The following RCAN1 variants were observed in gnomAD, a reference collection of about 807,000 sequenced individuals.
The protein encoded by RCAN1 is regulator of calcineurin 1.
RCAN1 carries 11 observed loss-of-function variants against 22.9 expected under a neutral mutation model. The ratio of observed to expected loss-of-function variants is 0.48; its 90% CI spans 0.30 to 0.79. The LOEUF (loss-of-function observed/expected upper bound fraction) is 0.79. Ranked by LOEUF, RCAN1 falls within the 30% of genes least tolerant of loss-of-function variation. The pLI, the probability that RCAN1 is intolerant of heterozygous loss-of-function variation, is 0.06. For missense variants in RCAN1, 291 were observed against 337.8 expected, an observed-to-expected ratio of 0.86 and a Z score of 1.09; for synonymous variants, 136 against 142.3, an observed-to-expected ratio of 0.96 and a Z score of 0.32.
chr21:34,565,574 T>G (rs1456440116), intron 1 of RCAN1, among the ~76,000 whole-genome samples: 1 of 152,250 alleles, frequency 6.6e-6, no homozygotes, highest in Non-Finnish European at 1.5e-5. Context: ...AGGAAGATGC[T>G]TCTTTAATAA....
At chr21:34,521,118 A>G in intron 3 of RCAN1, 1 of 1,265,058 alleles carries the variant, frequency 7.9e-7, no homozygotes, top group African/African-American at 1.5e-5. Flanking sequence ...CATTTCTTAA[A>G]GGGGGCATCG....
chr21:34,516,754 C>T lies in RCAN1; in HGVS notation c.*1330G>A, dbSNP rs1984070149. ...CCATCTTCCAAATTTCCAAAGCATG[C>T]ATTGTTACTTGGCATTAAGTATTTC... On this transcript the variant is annotated 3_prime_UTR_variant, in exon 4 of 4. Transcript: ENST00000313806. The T allele has an allele frequency of 6.6e-6, 1 of 152,278 alleles. No individual in the cohort carries two copies. Among genetic ancestry groups the T allele is most frequent in the Admixed American group, 6.5e-5 (1 of 15,292 alleles). 9.4% of individuals were successfully genotyped at this position (152,278 alleles called of 1,614,324 possible). A position where few individuals can be genotyped will look rare whatever the true frequency, so the allele number is the denominator to read the frequency against.
At chr21:34,578,181 A>C (rs1987477439) in intron 1 of RCAN1, among the ~76,000 whole-genome samples, 1 of 152,164 alleles carries the variant, frequency 6.6e-6, no homozygotes, top group African/African-American at 2.4e-5. Context: ...GGAATGTAAG[A>C]TCTTATATTC....
intron 1 of RCAN1, among the ~76,000 whole-genome samples, chr21:34,581,023 A>G (rs1987588042): frequency 6.6e-6 from 1 of 152,174 alleles, no homozygotes; most frequent in Non-Finnish European, 1.5e-5. Context: ...CACTAGGAGA[A>G]CCACCCAGAA....
intron 1 of RCAN1, among the ~76,000 whole-genome samples, chr21:34,601,817 CA>C (rs202036960): frequency 0.072 from 5,991 of 83,230 alleles, 146 homozygotes; most frequent in East Asian, 0.28. Flanking sequence ...GACTCTGTCT[CA>C]AAAAAAAAAA....
chr21:34,526,942 C>T, intron 1 of RCAN1: 1 of 1,395,972 alleles, frequency 7.2e-7, no homozygotes, highest in African/African-American at 1.5e-5. Flanking sequence ...TGAGTCAAGT[C>T]CTGCATGCTT....
intron 1 of RCAN1, among the ~76,000 whole-genome samples, chr21:34,538,164 C>T (rs1448277806): frequency 2.0e-5 from 3 of 152,140 alleles, no homozygotes; most frequent in Non-Finnish European, 1.5e-5. Flanking sequence ...GAATGGCATT[C>T]GAAGACACAG....
At chr21:34,521,262 G>A in intron 3 of RCAN1, 1 of 1,438,664 alleles carries the variant, frequency 7.0e-7, no homozygotes, top group Non-Finnish European at 9.1e-7. Flanking sequence ...GGGGGGTGGA[G>A]GGGCGTGATG....
chr21:34,600,332 C>T (rs1468119662), intron 1 of RCAN1, among the ~76,000 whole-genome samples: 1 of 152,214 alleles, frequency 6.6e-6, no homozygotes, highest in Admixed American at 6.5e-5. Context: ...ATTTTGCTCT[C>T]TTAAGGTAAG....
At chr21:34,588,687 A>G (rs1046259768) in intron 1 of RCAN1, among the ~76,000 whole-genome samples, 1 of 152,360 alleles carries the variant, frequency 6.6e-6, no homozygotes, top group East Asian at 1.9e-4. Context: ...CTGTGTATGT[A>G]TCTAAAAGAA....
chr21:34,559,069 C>T (rs8130623), intron 1 of RCAN1, among the ~76,000 whole-genome samples: 36,784 of 152,112 alleles, frequency 0.24, 5,186 homozygotes, highest in African/African-American at 0.39. Flanking sequence ...TAACAAAATA[C>T]AAATTGCTGT....
At chr21:34,598,796 A>G (rs1478756208) in intron 1 of RCAN1, among the ~76,000 whole-genome samples, 1 of 152,226 alleles carries the variant, frequency 6.6e-6, no homozygotes, top group Non-Finnish European at 1.5e-5. Flanking sequence ...TAACTTACAT[A>G]TTCCTAAGTA....
intron 1 of RCAN1, among the ~76,000 whole-genome samples, chr21:34,546,221 G>A (rs545090539): frequency 6.6e-6 from 1 of 152,226 alleles, no homozygotes; most frequent in Non-Finnish European, 1.5e-5. Flanking sequence ...TTATATTTTT[G>A]TGTTAAAAAA....
At chr21:34,599,732 G>A (rs963996654) in intron 1 of RCAN1, among the ~76,000 whole-genome samples, 4 of 152,030 alleles carry the variant, frequency 2.6e-5, no homozygotes, top group African/African-American at 9.7e-5. Flanking sequence ...AGTTAATTAC[G>A]CCTCTGTGAT....
intron 1 of RCAN1, among the ~76,000 whole-genome samples, chr21:34,570,498 C>T (rs911655876): frequency 1.3e-5 from 2 of 152,318 alleles, no homozygotes; most frequent in South Asian, 2.1e-4. Flanking sequence ...GCATGACTGA[C>T]GTCTTGAATT....
Position 34,555,263 on chromosome 21 carries a change from TA to T in RCAN1, c.253-31554del, listed in dbSNP as rs1272638840. On this transcript the variant is annotated intron_variant, in intron 1 of 3. Coordinates refer to ENST00000313806, the MANE Select transcript of RCAN1 (RefSeq NM_004414.7). ...GATTCTAACGCAAACACGCTAATTATAAAAAGACATTCATGAGCCAATCGGG... is the reference window on the plus strand; with the variant it reads ...GATTCTAACGCAAACACGCTAATTATAAAAGACATTCATGAGCCAATCGGG... 3.3e-5 allele frequency among the ~76,000 whole-genome samples: 5 copies of T among 152,314 alleles called. No homozygotes were observed. The East Asian group carries it at 9.6e-4, about 29-fold the overall frequency.
intron 1 of RCAN1, among the ~76,000 whole-genome samples, chr21:34,533,035 A>G (rs1568890828): frequency 6.7e-6 from 1 of 149,642 alleles, no homozygotes; most frequent in South Asian, 2.1e-4. Context: ...ATCTCGGCTC[A>G]CTGCAAGCTC....
At chr21:34,532,642 C>A (rs1190252664) in intron 1 of RCAN1, among the ~76,000 whole-genome samples, 1 of 152,230 alleles carries the variant, frequency 6.6e-6, no homozygotes, top group Non-Finnish European at 1.5e-5. Flanking sequence ...TCACATAGAA[C>A]TAAAAACTAG....
At chr21:34,591,636 C>T (rs997276699) in intron 1 of RCAN1, among the ~76,000 whole-genome samples, 1 of 152,152 alleles carries the variant, frequency 6.6e-6, no homozygotes, top group Non-Finnish European at 1.5e-5. Flanking sequence ...CTAAATAGAG[C>T]TCACATTAAG....
Sources: allele counts gnomAD v4.1 joint callset (sites outside exome capture counted in the v4.1 genomes callset), GRCh38; gene constraint gnomAD v4.1.1; transcripts MANE v1.5; gene names NCBI Gene and HGNC (gene_info 2026-07-23, HGNC 2026-07-21).